The following ALOX5 variants were observed in gnomAD, a reference collection of about 807,000 sequenced individuals.
The protein encoded by ALOX5 is arachidonate 5-lipoxygenase.
Under a neutral mutation model 87.9 loss-of-function variants are expected in ALOX5, and 64 were observed. That is an observed-to-expected ratio of 0.73 (90% CI 0.60 to 0.90). The LOEUF (loss-of-function observed/expected upper bound fraction) is 0.90, where lower values mean the gene tolerates loss of function less well. Ranked by LOEUF, ALOX5 falls within the 40% of genes least tolerant of loss-of-function variation. The pLI is 0.00. For synonymous variants in ALOX5, 388 were observed against 355.1 expected, an observed-to-expected ratio of 1.09 and a Z score of -1.04; for missense variants, 822 against 907.5, an observed-to-expected ratio of 0.91 and a Z score of 1.21.
intron 7 of ALOX5, among the ~76,000 whole-genome samples, chr10:45,437,471 GACTA>G (rs1300561333): frequency 2.0e-5 from 3 of 152,008 alleles, no homozygotes; most frequent in South Asian, 2.1e-4. Context: ...TTTTTCTAAA[GACTA>G]ACTTTTTTTA....
intron 4 of ALOX5, among the ~76,000 whole-genome samples, chr10:45,415,816 A>G (rs1435285126): frequency 1.3e-5 from 2 of 152,252 alleles, no homozygotes; most frequent in Admixed American, 6.5e-5. Context: ...AGCACTTGAT[A>G]AGGTGAACAC....
At chr10:45,401,051 T>C (rs1472995105) in intron 3 of ALOX5, among the ~76,000 whole-genome samples, 5 of 152,180 alleles carry the variant, frequency 3.3e-5, no homozygotes, top group Non-Finnish European at 7.3e-5. Context: ...CCTCTACAAG[T>C]GTTTGATGGA....
intron 4 of ALOX5, among the ~76,000 whole-genome samples, chr10:45,418,296 TG>T (rs946179410): frequency 4.0e-5 from 6 of 151,628 alleles, no homozygotes; most frequent in African/African-American, 1.5e-4. Flanking sequence ...CGGTGGGGGT[TG>T]GGGGGACCCT....
chr10:45,382,811 G>T, intron 2 of ALOX5, 130 bp downstream of exon 2: 1 of 1,089,542 alleles, frequency 9.2e-7, no homozygotes, highest in African/African-American at 1.6e-5. Context: ...GCTCTGCCCT[G>T]TGCCTCGACA....
At chr10:45,378,559 C>T (rs935227742) in intron 1 of ALOX5, among the ~76,000 whole-genome samples, 3 of 152,198 alleles carry the variant, frequency 2.0e-5, no homozygotes, top group Admixed American at 6.5e-5. Context: ...ATAGCATCAG[C>T]CCAGTGTACT....
intron 3 of ALOX5, among the ~76,000 whole-genome samples, chr10:45,408,681 A>G (rs933294579): frequency 5.9e-5 from 9 of 152,138 alleles, no homozygotes; most frequent in African/African-American, 1.9e-4. Context: ...TTAGCCACCC[A>G]TTCCTATCAT....
At chr10:45,415,282 G>T (rs1489219527) in intron 4 of ALOX5, among the ~76,000 whole-genome samples, 1 of 152,190 alleles carries the variant, frequency 6.6e-6, no homozygotes, top group Non-Finnish European at 1.5e-5. Flanking sequence ...AATGTCCTTT[G>T]CAGGGACATG....
At chr10:45,385,334 G>A (rs1252960283) in intron 2 of ALOX5, among the ~76,000 whole-genome samples, 1 of 152,192 alleles carries the variant, frequency 6.6e-6, no homozygotes, top group African/African-American at 2.4e-5. Flanking sequence ...CACAGATCCA[G>A]AGCATCTGTG....
chr10:45,406,066 G>A (rs1299103684), intron 3 of ALOX5, among the ~76,000 whole-genome samples: 3 of 152,134 alleles, frequency 2.0e-5, no homozygotes, highest in East Asian at 1.9e-4. Context: ...CTCTGGATTC[G>A]AGTGTCTGGG....
At chr10:45,409,638 AT>A (rs1009050595) in intron 3 of ALOX5, among the ~76,000 whole-genome samples, 78 of 106,276 alleles carry the variant, frequency 7.3e-4, no homozygotes, top group Non-Finnish European at 1.2e-3. Flanking sequence ...TCTCTCTCTC[AT>A]TTTTTTTCCA....
At chr10:45,424,865 A>C in intron 5 of ALOX5, 95 bp from the exon 6 acceptor site, 1 of 1,485,114 alleles carries the variant, frequency 6.7e-7, no homozygotes. Context: ...GAGGAGACCA[A>C]GCAGGGACTC....
chr10:45,375,918 C>T (rs1839590446), intron 1 of ALOX5, among the ~76,000 whole-genome samples: 1 of 152,228 alleles, frequency 6.6e-6, no homozygotes, highest in Non-Finnish European at 1.5e-5. Flanking sequence ...CCATTTCTGA[C>T]GCACCTTCAT....
intron 3 of ALOX5, among the ~76,000 whole-genome samples, chr10:45,402,423 G>A (rs1840734658): frequency 6.6e-6 from 1 of 152,156 alleles, no homozygotes; most frequent in African/African-American, 2.4e-5. Context: ...GGAGGGCTCG[G>A]CTGATGGGTG....
Position 45,432,974 on chromosome 10 carries a change from C to A in ALOX5, c.981+4210C>A, listed in dbSNP as rs145195254. ...ACATTGACGGGAAAATACCAATACT[C>A]CAGTGGAAAAATGAGCAGAGAATAT... On this transcript the variant is annotated intron_variant, in intron 7 of 13. Transcript: ENST00000374391. Among the ~76,000 whole-genome samples, 397 of 152,240 alleles carry A rather than the reference C, an allele frequency of 2.6e-3. 1 individual carries two copies. Among genetic ancestry groups the A allele is most frequent in the African/African-American group, 8.6e-3 (359 of 41,534 alleles).
chr10:45,443,783 G>T lies in ALOX5; in HGVS notation c.1629G>T (p.Val543=), dbSNP rs1448740373. 6.2e-7 allele frequency: 1 copy of T among 1,611,968 alleles called. No individual in the cohort carries two copies. The highest frequency in any genetic ancestry group is 1.3e-5 in the African/African-American group (1 of 74,878). ...AGCTGTCGGAGTACCTGACCGTGGT[G>T]ATCTTCACCGCCTCCGCCCAGCACG... ...REQLSEYLTV[V]IFTASAQHAA... Residue 543 remains valine (V), a synonymous_variant, in exon 12 of 14, where the codon GTG becomes GTT. Transcript: ENST00000374391.
chr10:45,394,234 A>T (rs1840413068), intron 2 of ALOX5, among the ~76,000 whole-genome samples: 1 of 152,246 alleles, frequency 6.6e-6, no homozygotes, highest in Non-Finnish European at 1.5e-5. Flanking sequence ...CCAAAACAGC[A>T]TGGTACTGGT....
At chr10:45,382,741 C>T (rs1839886463) in intron 2 of ALOX5, 60 bp downstream of exon 2, 2 of 1,546,810 alleles carry the variant, frequency 1.3e-6, no homozygotes, top group South Asian at 1.2e-5. Flanking sequence ...TCTTCCTGTC[C>T]TCAAAGCACT....
Position 45,428,676 on chromosome 10 carries a change from C to T in ALOX5, c.893C>T (p.Thr298Ile). The T allele has an allele frequency of 6.2e-7, 1 of 1,614,142 alleles. No homozygotes were observed. Among genetic ancestry groups the T allele is most frequent in the Non-Finnish European group, 8.5e-7 (1 of 1,180,028 alleles). The change falls in exon 7 of 14, where the codon ACA (threonine) becomes ATA (isoleucine). Residue 298 changes from threonine to isoleucine, a missense_variant. By Grantham distance (89) the Thr-to-Ile change is moderately conservative (BLOSUM62 -1). Coordinates refer to ENST00000374391, the MANE Select transcript of ALOX5 (RefSeq NM_000698.5). The part of the protein sequence containing the change: ...ELLDGIDANK[T>I]DPCTLQFLAA... ...CTGGATGGCATCGATGCCAACAAAA[C>T]AGACCCCTGCACACTCCAGTTCCTG...
chr10:45,413,765 G>T (rs941484615), intron 4 of ALOX5, among the ~76,000 whole-genome samples: 4 of 152,186 alleles, frequency 2.6e-5, no homozygotes, highest in African/African-American at 9.7e-5. Flanking sequence ...CAAAATCAAT[G>T]TGCAAAAATC....
Sources: allele counts gnomAD v4.1 joint callset (sites outside exome capture counted in the v4.1 genomes callset), GRCh38; gene constraint gnomAD v4.1.1; transcripts MANE v1.5; gene names NCBI Gene and HGNC (gene_info 2026-07-23, HGNC 2026-07-21).